PPARGC1B: variants seen among roughly 807,000 people sequenced by gnomAD.
The protein encoded by PPARGC1B is peroxisome proliferator-activated receptor gamma coactivator 1-beta.
PPARGC1B carries 34 observed loss-of-function variants against 101.6 expected under a neutral mutation model. The ratio of observed to expected loss-of-function variants is 0.33; its 90% CI spans 0.25 to 0.45. The LOEUF (loss-of-function observed/expected upper bound fraction) is 0.45, where lower values mean the gene tolerates loss of function less well. PPARGC1B is among the 20% of genes least tolerant of loss of function. The pLI is 1.00. For missense variants in PPARGC1B, 1,234 were observed against 1,317.6 expected (o/e 0.94, Z 0.98); for synonymous variants, 548 against 539.3 (o/e 1.02, Z -0.22).
chr5:149,751,794 T>G (rs958651580), intron 1 of PPARGC1B, among the ~76,000 whole-genome samples: 6 of 152,022 alleles, frequency 3.9e-5, no homozygotes, highest in Admixed American at 3.9e-4. Flanking sequence ...AAGGTAACAT[T>G]GTAGGTTTCA....
intron 10 of PPARGC1B, among the ~76,000 whole-genome samples, chr5:149,844,085 A>G (rs1759454599): frequency 6.6e-6 from 1 of 152,246 alleles, no homozygotes; most frequent in Non-Finnish European, 1.5e-5. Context: ...ATATGAGTAT[A>G]CTTAATACTG....
intron 1 of PPARGC1B, among the ~76,000 whole-genome samples, chr5:149,786,129 G>A (rs942740524): frequency 6.6e-6 from 1 of 151,938 alleles, no homozygotes; most frequent in Non-Finnish European, 1.5e-5. Context: ...GTCTTGCTCT[G>A]TTGCCCAGGC....
chr5:149,830,903 C>A lies in PPARGC1B; in HGVS notation c.582+20C>A. 2 of 1,529,024 alleles carry A rather than the reference C, an allele frequency of 1.3e-6. No homozygotes were observed. Among genetic ancestry groups the A allele is most frequent in the Non-Finnish European group, 1.8e-6 (2 of 1,102,384 alleles). 94.7% of individuals were successfully genotyped at this position (1,529,024 alleles called of 1,614,324 possible). On this transcript the variant is annotated intron_variant, in intron 4 of 11. Transcript: ENST00000309241. ...GTTAAGGTATTTCTTCACATGCCCC[C>A]AAATCTACCCCAGGTGTCTGTTGGG...
intron 1 of PPARGC1B, among the ~76,000 whole-genome samples, chr5:149,774,783 C>G (rs1427244763): frequency 6.6e-6 from 1 of 152,082 alleles, no homozygotes; most frequent in African/African-American, 2.4e-5. Flanking sequence ...CCATTTGTAG[C>G]TGGATCCTCA....
chr5:149,849,609 A>G lies in PPARGC1B; in HGVS notation c.*2051A>G, dbSNP rs1051231441. The stretch of plus-strand genomic sequence containing the variant: ...GTCATTACTAATTGATTAGAGTTCA[A>G]TCTATTTGACATCTTGGGCTAATCT... On this transcript the variant is annotated 3_prime_UTR_variant, in exon 12 of 12. Coordinates refer to ENST00000309241, the MANE Select transcript of PPARGC1B (RefSeq NM_133263.4). 2 of 152,224 alleles carry G rather than the reference A, an allele frequency of 1.3e-5. No individual in the cohort carries two copies. Among genetic ancestry groups the G allele is most frequent in the African/African-American group, 4.8e-5 (2 of 41,458 alleles). The allele number at this position is 152,224 out of a possible 1,614,324, so 9.4% of individuals were successfully genotyped here.
chr5:149,732,662 T>C (rs1424666627), intron 1 of PPARGC1B, among the ~76,000 whole-genome samples: 1 of 152,170 alleles, frequency 6.6e-6, no homozygotes, highest in Non-Finnish European at 1.5e-5. Context: ...ATGTAATTGA[T>C]AGGATGAGCT....
At chr5:149,787,910 A>T (rs1220154247) in intron 1 of PPARGC1B, among the ~76,000 whole-genome samples, 2 of 152,252 alleles carry the variant, frequency 1.3e-5, no homozygotes, top group Non-Finnish European at 2.9e-5. Flanking sequence ...CTTACACCTT[A>T]TACAAAAATT....
chr5:149,785,120 T>C (rs1203733514), intron 1 of PPARGC1B, among the ~76,000 whole-genome samples: 5 of 152,186 alleles, frequency 3.3e-5, no homozygotes, highest in African/African-American at 1.2e-4. Flanking sequence ...GAGAGAACCC[T>C]CACCCAGGGT....
chr5:149,847,695 G>T lies in PPARGC1B; in HGVS notation c.*137G>T, dbSNP rs1446576282. The T allele has an allele frequency of 3.2e-6, 2 of 631,368 alleles. No individual in the cohort carries two copies. The highest frequency in any genetic ancestry group is 5.6e-6 in the Non-Finnish European group (2 of 360,110). 39.1% of individuals were successfully genotyped at this position (631,368 alleles called of 1,614,324 possible). On this transcript the variant is annotated 3_prime_UTR_variant, in exon 12 of 12. Coordinates refer to ENST00000309241, the MANE Select transcript of PPARGC1B (RefSeq NM_133263.4). ...ACACCCGTGAGAGAGACTTGAAACTGCTGTCCTTTAAAAAAAAAAAAAATC... is the reference window on the plus strand; with the variant it reads ...ACACCCGTGAGAGAGACTTGAAACTTCTGTCCTTTAAAAAAAAAAAAAATC...
At chr5:149,779,111 C>T (rs536406006) in intron 1 of PPARGC1B, among the ~76,000 whole-genome samples, 4 of 152,132 alleles carry the variant, frequency 2.6e-5, no homozygotes, top group Non-Finnish European at 4.4e-5. Context: ...AAAGGCCCAT[C>T]GTGATCTGAC....
At chr5:149,821,890 G>A (rs1208711984) in intron 2 of PPARGC1B, among the ~76,000 whole-genome samples, 1 of 152,124 alleles carries the variant, frequency 6.6e-6, no homozygotes, top group Non-Finnish European at 1.5e-5. Context: ...CCTAATAATC[G>A]ATTTTACAGA....
rs557526647 is a variant in PPARGC1B, at chr5:149,738,106, T to A, written c.78+7686T>A. Among the ~76,000 whole-genome samples the A allele has an allele frequency of 4.6e-5, 7 of 152,356 alleles. No homozygotes were observed. In the South Asian group the frequency reaches 1.5e-3, roughly 32 times the overall value. Reference sequence around the variant, plus strand: ...ACCAAATAATAGATATATCTCTTCATCTATAGATCATATTAAGTGTTAGGA... The same window carrying A: ...ACCAAATAATAGATATATCTCTTCAACTATAGATCATATTAAGTGTTAGGA... On this transcript the variant is annotated intron_variant, in intron 1 of 11. Coordinates refer to ENST00000309241, the MANE Select transcript of PPARGC1B (RefSeq NM_133263.4).
intron 1 of PPARGC1B, among the ~76,000 whole-genome samples, chr5:149,799,687 G>GTTTTTTTTTTTTTTT (rs1561553708): frequency 1.2e-5 from 1 of 85,438 alleles, no homozygotes; most frequent in African/African-American, 4.2e-5. Flanking sequence ...TTGTTTGCTT[G>GTTTTTTTTTTTTTTT]TTGTTGTTTT....
chr5:149,820,481 G>T lies in PPARGC1B; in HGVS notation c.127G>T (p.Asp43Tyr), dbSNP rs1475033651. ...ACTCTATGCTGACTTTCCAGAACTTGACCTCTCCCAGCTGGATGCCAGCGA... is the reference window on the plus strand; with the variant it reads ...ACTCTATGCTGACTTTCCAGAACTTTACCTCTCCCAGCTGGATGCCAGCGA... ...EQLYADFPELDLSQLDASDFD... is the reference protein window; with the variant it reads ...EQLYADFPELYLSQLDASDFD... The change falls in exon 2 of 12, where the codon GAC becomes TAC. Residue 43 changes from aspartate (D) to tyrosine (Y), a missense_variant. Around this residue, in one of 3 missense-constraint regions of PPARGC1B, gnomAD observed 734 missense variants for 768.4 expected, o/e 0.96. Coordinates refer to ENST00000309241, the MANE Select transcript of PPARGC1B (RefSeq NM_133263.4). 6.2e-7 allele frequency: 1 copy of T among 1,614,018 alleles called. No homozygotes were observed. Among genetic ancestry groups the T allele is most frequent in the East Asian group, 2.2e-5 (1 of 44,880 alleles).
At chr5:149,733,560 A>G (rs1212105231) in intron 1 of PPARGC1B, among the ~76,000 whole-genome samples, 3 of 152,340 alleles carry the variant, frequency 2.0e-5, no homozygotes, top group South Asian at 4.1e-4. Context: ...TGTGCCTGCA[A>G]GGCACCTGTC....
chr5:149,857,731 T>C (rs1304823306), downstream of PPARGC1B, among the ~76,000 whole-genome samples: 1 of 152,226 alleles, frequency 6.6e-6, no homozygotes, highest in Non-Finnish European at 1.5e-5. Context: ...CTATGTTCTC[T>C]GTGATCCTGG....
intron 3 of PPARGC1B, 44 bp from the exon 4 acceptor site, chr5:149,830,723 C>A: frequency 2.1e-6 from 3 of 1,443,524 alleles, no homozygotes; most frequent in Non-Finnish European, 2.0e-6. Context: ...TGTCCTCTGG[C>A]TGTGGCTCAG....
chr5:149,781,024 T>C (rs1756578220), intron 1 of PPARGC1B, among the ~76,000 whole-genome samples: 1 of 152,076 alleles, frequency 6.6e-6, no homozygotes, highest in Non-Finnish European at 1.5e-5. Context: ...GCCAACATGG[T>C]GAAACCCCCA....
In PPARGC1B at chr5:149,847,639, G is replaced by A. The variant is rs1376172081; in HGVS notation, c.*81G>A. ...ATGTTTACGTTTTCAAAGAAATCAA[G>A]TATATGAGGAGAGCGAGCGAGCGTG... On this transcript the variant is annotated 3_prime_UTR_variant, in exon 12 of 12. Transcript: ENST00000309241. 1.8e-6 allele frequency: 2 copies of A among 1,110,346 alleles called. No individual in the cohort carries two copies. The highest frequency in any genetic ancestry group is 1.9e-5 in the Admixed American group (1 of 53,072). 68.8% of individuals were successfully genotyped at this position (1,110,346 alleles called of 1,614,324 possible). A position where few individuals can be genotyped will look rare whatever the true frequency, so the allele number is the denominator to read the frequency against.
Sources: allele counts gnomAD v4.1 joint callset (sites outside exome capture counted in the v4.1 genomes callset), GRCh38; gene constraint gnomAD v4.1.1; regional missense constraint gnomAD v4.1.1; transcripts MANE v1.5; gene names NCBI Gene and HGNC (gene_info 2026-07-23, HGNC 2026-07-21).